Variants in USP12 observed in about 807,000 individuals in gnomAD.
The protein encoded by USP12 is ubiquitin carboxyl-terminal hydrolase 12.
A neutral mutation model predicts 45.5 loss-of-function variants in USP12; 19 were observed. The observed-to-expected ratio is 0.42, with a 90% CI of 0.29 to 0.61. The LOEUF is 0.61. USP12 is among the 20% of genes least tolerant of loss of function. The pLI, the probability that USP12 is intolerant of heterozygous loss-of-function variation, is 0.22. For missense variants in USP12, 242 were observed against 447.7 expected (o/e 0.54, Z 4.15); for synonymous variants, 149 against 148.8 (o/e 1.00, Z -0.01).
At chr13:27,077,971 CAGG>C (rs1414702134) in intron 6 of USP12, 5 of 151,716 alleles carry the variant, frequency 3.3e-5, no homozygotes, top group Non-Finnish European at 7.4e-5. Flanking sequence ...GAAGGAAAAA[CAGG>C]AGGACAGAGA....
At chr13:27,154,549 A>G (rs991513632) in intron 1 of USP12, among the ~76,000 whole-genome samples, 1 of 152,178 alleles carries the variant, frequency 6.6e-6, no homozygotes, top group Admixed American at 6.5e-5. Context: ...ATGTTTACAA[A>G]TCCACTCAAC....
intron 2 of USP12, among the ~76,000 whole-genome samples, chr13:27,108,154 C>T (rs9512550): frequency 0.72 from 107,987 of 150,000 alleles, 40,936 homozygotes; most frequent in South Asian, 0.91. Flanking sequence ...CAATGATAGA[C>T]TGGATTAAGA....
chr13:27,127,040 G>A (rs1876270549), intron 1 of USP12, among the ~76,000 whole-genome samples: 2 of 152,140 alleles, frequency 1.3e-5, no homozygotes, highest in South Asian at 2.1e-4. Context: ...GTATCTGGGG[G>A]TTCTGCACTG....
intron 1 of USP12, among the ~76,000 whole-genome samples, chr13:27,150,158 G>A (rs1332870254): frequency 2.6e-5 from 4 of 152,148 alleles, no homozygotes; most frequent in Admixed American, 2.6e-4. Context: ...TCCCCAATTT[G>A]ATCATTACAC....
chr13:27,097,085 T>C (rs1874614605), intron 3 of USP12, among the ~76,000 whole-genome samples: 1 of 151,540 alleles, frequency 6.6e-6, no homozygotes, highest in Non-Finnish European at 1.5e-5. Context: ...TGGACAATCT[T>C]ATAAATGGCA....
intron 1 of USP12, among the ~76,000 whole-genome samples, chr13:27,146,290 T>C (rs1877303777): frequency 1.3e-5 from 2 of 152,124 alleles, no homozygotes. Context: ...TAGTCCCAGC[T>C]ACTCGGGAGA....
chr13:27,134,455 A>G (rs1186710413), intron 1 of USP12, among the ~76,000 whole-genome samples: 2 of 152,212 alleles, frequency 1.3e-5, no homozygotes, highest in Non-Finnish European at 2.9e-5. Flanking sequence ...GTAAGAAAAC[A>G]TACTTTGCCA....
chr13:27,075,408 AAAC>A lies in USP12; in HGVS notation c.735-23_735-21del, dbSNP rs766243884. On this transcript the variant is annotated intron_variant, in intron 6 of 8. Coordinates refer to ENST00000282344, the MANE Select transcript of USP12 (RefSeq NM_182488.4). Reference sequence around the variant, plus strand: ...TTCATCCTATTAAAAATAAAAATGAAAACAAAATTTCATAAAAGATATCCACCA... The same window carrying A: ...TTCATCCTATTAAAAATAAAAATGAAAAAATTTCATAAAAGATATCCACCA... 1 of 1,588,848 alleles carries A rather than the reference AAAC, an allele frequency of 6.3e-7. No individual in the cohort carries two copies. Among genetic ancestry groups the A allele is most frequent in the South Asian group, 1.1e-5 (1 of 87,842 alleles).
intron 1 of USP12, among the ~76,000 whole-genome samples, chr13:27,169,862 G>C (rs565990333): frequency 8.6e-5 from 13 of 151,702 alleles, no homozygotes; most frequent in African/African-American, 3.1e-4. Flanking sequence ...CTAGCACTTA[G>C]TGGCTGCTAA....
intron 6 of USP12, among the ~76,000 whole-genome samples, chr13:27,078,527 C>G (rs1873597116): frequency 6.6e-6 from 1 of 151,588 alleles, no homozygotes; most frequent in Admixed American, 6.6e-5. Flanking sequence ...TTGATAATGT[C>G]TAGTTATAAT....
intron 2 of USP12, among the ~76,000 whole-genome samples, chr13:27,106,209 A>C (rs1461141023): frequency 6.6e-6 from 1 of 152,180 alleles, no homozygotes; most frequent in East Asian, 1.9e-4. Flanking sequence ...GATCCCCTGA[A>C]ACGTTACATG....
chr13:27,089,063 A>T (rs1248810972), intron 6 of USP12, among the ~76,000 whole-genome samples: 1 of 152,236 alleles, frequency 6.6e-6, no homozygotes, highest in Non-Finnish European at 1.5e-5. Context: ...ATCAAAAGTC[A>T]AGAATCATTA....
At chr13:27,105,599 C>T (rs887921138) in intron 3 of USP12, 132 bp downstream of exon 3, 32 of 796,916 alleles carry the variant, frequency 4.0e-5, no homozygotes, top group South Asian at 2.8e-4. Flanking sequence ...TGAAGAAAGG[C>T]GTGTCATCCT....
intron 1 of USP12, among the ~76,000 whole-genome samples, chr13:27,126,431 A>AGATG (rs1336491037): frequency 1.3e-5 from 2 of 152,226 alleles, no homozygotes; most frequent in Non-Finnish European, 2.9e-5. Flanking sequence ...TAGCACAAAC[A>AGATG]GATGGAACTA....
In USP12 at chr13:27,066,834, A is replaced by G. The variant is rs1166703218; in HGVS notation, c.*2449T>C. 1 of 152,168 alleles carries G rather than the reference A, an allele frequency of 6.6e-6. No individual in the cohort carries two copies. Among genetic ancestry groups the G allele is most frequent in the Non-Finnish European group, 1.5e-5 (1 of 68,040 alleles). 9.4% of individuals were successfully genotyped at this position (152,168 alleles called of 1,614,324 possible). A position where few individuals can be genotyped will look rare whatever the true frequency, so the allele number is the denominator to read the frequency against. On this transcript the variant is annotated 3_prime_UTR_variant, in exon 9 of 9. Coordinates refer to ENST00000282344, the MANE Select transcript of USP12 (RefSeq NM_182488.4). The stretch of plus-strand genomic sequence containing the variant: ...CAGTCAACCAACATACAACCTCACG[A>G]TGCTTTCTTCATGGGTCACTTTTCT...
intron 8 of USP12, among the ~76,000 whole-genome samples, chr13:27,070,596 C>G (rs1039218467): frequency 2.0e-5 from 3 of 151,152 alleles, no homozygotes; most frequent in Non-Finnish European, 4.4e-5. Flanking sequence ...TCTTATTGCC[C>G]AGGCTGGAGT....
intron 1 of USP12, among the ~76,000 whole-genome samples, chr13:27,157,548 G>C (rs553132940): frequency 3.4e-4 from 52 of 152,022 alleles, no homozygotes; most frequent in African/African-American, 1.2e-3. Flanking sequence ...AAAAATATAA[G>C]TTTATAGAAG....
chr13:27,117,616 CGTGT>C (rs60533914), intron 1 of USP12: 11 of 284,488 alleles, frequency 3.9e-5, no homozygotes, highest in Non-Finnish European at 7.4e-5. Flanking sequence ...AAAACACCAA[CGTGT>C]GTGTGTGTTT....
intron 1 of USP12, among the ~76,000 whole-genome samples, chr13:27,133,868 G>A (rs946309489): frequency 6.6e-6 from 1 of 152,212 alleles, no homozygotes; most frequent in Non-Finnish European, 1.5e-5. Flanking sequence ...GTGGTGGCTT[G>A]TGCCTGTAAT....
Sources: allele counts gnomAD v4.1 joint callset (sites outside exome capture counted in the v4.1 genomes callset), GRCh38; gene constraint gnomAD v4.1.1; transcripts MANE v1.5; gene names NCBI Gene and HGNC (gene_info 2026-07-23, HGNC 2026-07-21).